The following SH3D19 variants were observed in gnomAD, a reference collection of about 807,000 sequenced individuals.
The protein encoded by SH3D19 is SH3 domain-containing protein 19.
In SH3D19, 58 loss-of-function variants were observed where a neutral mutation model predicts 112.1. The ratio of observed to expected loss-of-function variants is 0.52; its 90% CI spans 0.42 to 0.64. SH3D19 has a LOEUF of 0.64. SH3D19 is among the 30% of genes least tolerant of loss of function. The pLI is 0.00. For synonymous variants in SH3D19, 391 were observed against 448.5 expected, an observed-to-expected ratio of 0.87 and a Z score of 1.62; for missense variants, 1,090 against 1,263.4, an observed-to-expected ratio of 0.86 and a Z score of 2.08.
At chr4:151,203,220 T>C (rs933331814) in intron 2 of SH3D19, among the ~76,000 whole-genome samples, 14 of 152,036 alleles carry the variant, frequency 9.2e-5, no homozygotes, top group Non-Finnish European at 1.6e-4. Context: ...ACTGACCCCA[T>C]CATCGCCACC....
intron 2 of SH3D19, among the ~76,000 whole-genome samples, chr4:151,188,400 T>G (rs13120989): frequency 0.34 from 51,666 of 152,086 alleles, 10,170 homozygotes; most frequent in Middle Eastern, 0.46. Flanking sequence ...ATGTCCCTCA[T>G]CCAAAATGCC....
At chr4:151,183,485 G>C (rs757779762) in intron 3 of SH3D19, among the ~76,000 whole-genome samples, 4 of 152,100 alleles carry the variant, frequency 2.6e-5, no homozygotes, top group Admixed American at 6.5e-5. Context: ...AGATACAGAG[G>C]GGTTAAATGA....
chr4:151,182,526 G>A (rs1442422672), intron 3 of SH3D19, among the ~76,000 whole-genome samples: 1 of 152,202 alleles, frequency 6.6e-6, no homozygotes, highest in East Asian at 1.9e-4. Context: ...ACATGGAGGG[G>A]TCTTGCAGTC....
chr4:151,166,957 G>A (rs1247047605), intron 7 of SH3D19, among the ~76,000 whole-genome samples: 2 of 152,124 alleles, frequency 1.3e-5, no homozygotes. Context: ...ACAGTGCTGG[G>A]TGGGGAAATA....
chr4:151,136,591 AAAGTTTTG>A (rs1561208358), intron 14 of SH3D19, among the ~76,000 whole-genome samples: 1 of 149,214 alleles, frequency 6.7e-6, no homozygotes, highest in Non-Finnish European at 1.5e-5. Context: ...CTTGAATTTT[AAAGTTTTG>A]AAGTTTTAAA....
intron 1 of SH3D19, 59 bp downstream of exon 1, chr4:151,325,182 G>A (rs1730929156): frequency 4.1e-6 from 4 of 982,000 alleles, no homozygotes; most frequent in South Asian, 5.2e-5. Context: ...GGCAGGACCC[G>A]AGCGGCCCCA....
intron 1 of SH3D19, among the ~76,000 whole-genome samples, chr4:151,295,758 C>T (rs1775662671): frequency 6.6e-6 from 1 of 152,158 alleles, no homozygotes; most frequent in Admixed American, 6.5e-5. Flanking sequence ...GGTTTTTAGG[C>T]CGGGTGCAGT....
chr4:151,165,346 G>A (rs1054700585), intron 8 of SH3D19, among the ~76,000 whole-genome samples: 2 of 151,904 alleles, frequency 1.3e-5, no homozygotes, highest in Admixed American at 6.6e-5. Context: ...CCAAAAAAAA[G>A]AGGAAAAGGA....
chr4:151,308,184 G>T (rs749857947), intron 1 of SH3D19, among the ~76,000 whole-genome samples: 6 of 152,192 alleles, frequency 3.9e-5, no homozygotes, highest in Non-Finnish European at 8.8e-5. Flanking sequence ...GGGATTACAA[G>T]CATGAGCCAC....
intron 1 of SH3D19, among the ~76,000 whole-genome samples, chr4:151,308,035 A>T (rs1376090320): frequency 6.6e-6 from 1 of 152,072 alleles, no homozygotes; most frequent in Non-Finnish European, 1.5e-5. Flanking sequence ...CCTCCCGAAT[A>T]GCTGGGATTA....
At chr4:151,306,558 A>G (rs1488946835) in intron 1 of SH3D19, among the ~76,000 whole-genome samples, 1 of 152,238 alleles carries the variant, frequency 6.6e-6, no homozygotes, top group East Asian at 1.9e-4. Context: ...AGGGGAAAAA[A>G]GAATATTGGA....
At chr4:151,258,363 G>C (rs904517578) in intron 1 of SH3D19, among the ~76,000 whole-genome samples, 1 of 152,190 alleles carries the variant, frequency 6.6e-6, no homozygotes, top group African/African-American at 2.4e-5. Flanking sequence ...CAAGGACCTA[G>C]GGTGGCCAGT....
intron 1 of SH3D19, among the ~76,000 whole-genome samples, chr4:151,265,569 CTTTTTTT>C (rs763878307): frequency 9.3e-4 from 117 of 126,114 alleles, no homozygotes; most frequent in African/African-American, 2.9e-3. Flanking sequence ...TATTTCTTTT[CTTTTTTT>C]TTTTTTTTTT....
At chr4:151,191,468 C>G (rs1762620975) in intron 2 of SH3D19, among the ~76,000 whole-genome samples, 1 of 152,074 alleles carries the variant, frequency 6.6e-6, no homozygotes, top group South Asian at 2.1e-4. Context: ...TGGGAGGAAC[C>G]TGGTGGGAGG....
intron 1 of SH3D19, chr4:151,283,282 G>GCAAGGT: frequency 6.2e-7 from 1 of 1,613,410 alleles, no homozygotes; most frequent in Non-Finnish European, 8.5e-7. Flanking sequence ...AAGGATAGTT[G>GCAAGGT]CAAGGTCAGG....
rs888924680 is a variant in SH3D19, at chr4:151,292,079, A to T, written c.112+33162T>A. Among the ~76,000 whole-genome samples the T allele has an allele frequency of 3.9e-5, 6 of 152,322 alleles. No individual in the cohort carries two copies. The South Asian group carries it at 1.2e-3, about 32-fold the overall frequency. On this transcript the variant is annotated intron_variant, in intron 1 of 19. Coordinates refer to ENST00000604030, the MANE Select transcript of SH3D19 (RefSeq NM_001378122.1). Reference sequence around the variant, plus strand: ...ATCCCAACACTTTGGGAGGCCAAGGATCACTTGTGGCCAGGGGATGAAGAC... The same window carrying T: ...ATCCCAACACTTTGGGAGGCCAAGGTTCACTTGTGGCCAGGGGATGAAGAC...
At chr4:151,241,637 C>T (rs775036836) in intron 1 of SH3D19, among the ~76,000 whole-genome samples, 4 of 145,846 alleles carry the variant, frequency 2.7e-5, no homozygotes, top group African/African-American at 8.4e-5. Context: ...TCAAGTGATC[C>T]GCCCAACTTG....
chr4:151,244,549 G>A (rs965677916), intron 1 of SH3D19, among the ~76,000 whole-genome samples: 16 of 152,166 alleles, frequency 1.1e-4, no homozygotes, highest in Non-Finnish European at 2.4e-4. Flanking sequence ...TTCGAACTGA[G>A]ATTTAAATGT....
rs538571131 is a variant in SH3D19 at position 151,318,318 on chromosome 4, A to G, written c.112+6923T>C. Among the ~76,000 whole-genome samples, 698 of 149,752 alleles carry G rather than the reference A, an allele frequency of 4.7e-3. 3 individuals carry two copies. The highest frequency in any genetic ancestry group is 0.016 in the African/African-American group (630 of 40,200). ...TCTGACTCAAAAAAAAAAAAAAAAA[A>G]AAAGAAAGAAAGAAAAAGAAAAGAA... is the stretch of plus-strand genomic sequence containing the variant. On this transcript the variant is annotated intron_variant, in intron 1 of 19. Coordinates refer to ENST00000604030, the MANE Select transcript of SH3D19 (RefSeq NM_001378122.1).
Sources: gnomAD v4.1 joint callset for allele counts (sites outside exome capture counted in the v4.1 genomes callset) on GRCh38, gnomAD v4.1.1 for gene constraint, MANE v1.5 for transcripts, NCBI Gene and HGNC (gene_info 2026-07-23, HGNC 2026-07-21) for gene names.